EDARADD: variants seen among roughly 807,000 people sequenced by gnomAD.
EDARADD encodes the protein ectodysplasin-A receptor-associated adapter protein.
In EDARADD, 20 loss-of-function variants were observed where a neutral mutation model predicts 25.6. That is an observed-to-expected ratio of 0.78 (90% CI 0.55 to 1.14). The LOEUF (loss-of-function observed/expected upper bound fraction) is 1.14. Among genes scored for constraint, EDARADD ranks in the 50% most tolerant of loss-of-function variants. EDARADD has a pLI of 0.00. For missense variants in EDARADD, 225 were observed against 270.1 expected (o/e 0.83, Z 1.17); for synonymous variants, 86 against 94.4 (o/e 0.91, Z 0.52).
At chr1:236,428,808 G>C (rs866536399) in intron 4 of EDARADD, among the ~76,000 whole-genome samples, 182 of 151,884 alleles carry the variant, frequency 1.2e-3, no homozygotes, top group African/African-American at 4.3e-3. Context: ...AGGTTGTAGC[G>C]AGCGGAGATC....
chr1:236,430,494 G>C (rs1420760865), intron 4 of EDARADD, among the ~76,000 whole-genome samples: 1 of 152,098 alleles, frequency 6.6e-6, no homozygotes, highest in Non-Finnish European at 1.5e-5. Context: ...TAATTTCAGT[G>C]TTATAATTTT....
Position 236,483,748 on chromosome 1 carries a change from T to G in EDARADD, c.*1099T>G, listed in dbSNP as rs1210030532. 10 of 1,504,808 alleles carry G rather than the reference T, an allele frequency of 6.6e-6. No individual in the cohort carries two copies. The highest frequency in any genetic ancestry group is 9.2e-6 in the Non-Finnish European group (10 of 1,082,398). The allele number at this position is 1,504,808 out of a possible 1,614,324, so 93.2% of individuals were successfully genotyped here. ...GAGGTTTACCACAGCCTGAAGAATG[T>G]CATCAAGGAGAAATATGGGAAAGAT... On this transcript the variant is annotated 3_prime_UTR_variant, in exon 6 of 6. Coordinates refer to ENST00000334232, the MANE Select transcript of EDARADD (RefSeq NM_145861.4).
At chr1:236,480,478 T>A (rs1305041869) in intron 5 of EDARADD, among the ~76,000 whole-genome samples, 1 of 152,142 alleles carries the variant, frequency 6.6e-6, no homozygotes, top group Non-Finnish European at 1.5e-5. Context: ...GGCTCTTGTT[T>A]TATTACCTTT....
At chr1:236,431,737 A>C (rs1253474149) in intron 4 of EDARADD, among the ~76,000 whole-genome samples, 2 of 106,176 alleles carry the variant, frequency 1.9e-5, no homozygotes, top group East Asian at 2.2e-4. Flanking sequence ...CTGGCTAACA[A>C]GGTGAAACCC....
At chr1:236,358,203 C>CT (rs1667004435) in intron 3 of EDARADD, among the ~76,000 whole-genome samples, 1 of 152,116 alleles carries the variant, frequency 6.6e-6, no homozygotes, top group South Asian at 2.1e-4. Context: ...GACCAGTCTG[C>CT]TTTTTGTTCT....
chr1:236,435,224 G>A (rs558496995), intron 4 of EDARADD, among the ~76,000 whole-genome samples: 14 of 152,322 alleles, frequency 9.2e-5, no homozygotes, highest in African/African-American at 3.4e-4. Context: ...GAGGTCAGAG[G>A]AAGAAAGGAG....
At chr1:236,403,219 G>T (rs574510915) in intron 1 of EDARADD, among the ~76,000 whole-genome samples, 2 of 152,340 alleles carry the variant, frequency 1.3e-5, no homozygotes, top group East Asian at 3.9e-4. Flanking sequence ...GCCTCCCAAA[G>T]TGCTGGGATT....
At chr1:236,467,738 A>G (rs1275341758) in intron 4 of EDARADD, among the ~76,000 whole-genome samples, 1 of 152,154 alleles carries the variant, frequency 6.6e-6, no homozygotes, top group Admixed American at 6.5e-5. Flanking sequence ...AAATAAAAAT[A>G]GCACATTGTT....
chr1:236,436,291 G>A (rs528890475), intron 4 of EDARADD, among the ~76,000 whole-genome samples: 48 of 151,954 alleles, frequency 3.2e-4, no homozygotes, highest in African/African-American at 1.1e-3. Context: ...CGAGTAGCTC[G>A]AACTACAGGC....
At chr1:236,385,237 T>C (rs59985095) in intron 3 of EDARADD, among the ~76,000 whole-genome samples, 243 of 149,598 alleles carry the variant, frequency 1.6e-3, no homozygotes, top group African/African-American at 5.8e-3. Context: ...TGAAACCCCG[T>C]CTGTACCAAG....
chr1:236,451,060 C>T (rs1298398112), intron 4 of EDARADD, among the ~76,000 whole-genome samples: 3 of 152,162 alleles, frequency 2.0e-5, no homozygotes, highest in Non-Finnish European at 4.4e-5. Context: ...TGAATTTTTG[C>T]GCCTATCCCC....
intron 3 of EDARADD, among the ~76,000 whole-genome samples, chr1:236,355,708 C>T (rs1190018785): frequency 6.6e-6 from 1 of 151,930 alleles, no homozygotes; most frequent in Non-Finnish European, 1.5e-5. Context: ...CAAGGTTTCA[C>T]CATGTTGGCC....
intron 2 of EDARADD, among the ~76,000 whole-genome samples, chr1:236,410,277 T>C (rs911846015): frequency 2.0e-5 from 3 of 151,248 alleles, no homozygotes; most frequent in Non-Finnish European, 4.4e-5. Flanking sequence ...CCCTAGTGTC[T>C]GTTATTTCCA....
At chr1:236,436,102 A>C (rs1658241325) in intron 4 of EDARADD, among the ~76,000 whole-genome samples, 1 of 151,854 alleles carries the variant, frequency 6.6e-6, no homozygotes, top group Non-Finnish European at 1.5e-5. Flanking sequence ...CCAGGAGTTC[A>C]AGACCAGCCT....
upstream of EDARADD, among the ~76,000 whole-genome samples, chr1:236,389,848 A>C (rs533982839): frequency 2.5e-4 from 38 of 152,218 alleles, no homozygotes; most frequent in African/African-American, 8.2e-4. Flanking sequence ...ACAAAAAATA[A>C]AAATAAAAAA....
At chr1:236,472,653 T>A (rs907000956) in intron 5 of EDARADD, among the ~76,000 whole-genome samples, 2 of 152,182 alleles carry the variant, frequency 1.3e-5, no homozygotes, top group African/African-American at 2.4e-5. Context: ...AAAAGGCTGT[T>A]GGTTATTAAT....
chr1:236,468,111 G>T, intron 4 of EDARADD, 120 bp from the exon 5 acceptor site: 1 of 918,988 alleles, frequency 1.1e-6, no homozygotes, highest in Non-Finnish European at 1.8e-6. Flanking sequence ...TCAAGATCCA[G>T]TCCCTCCACC....
intron 4 of EDARADD, among the ~76,000 whole-genome samples, chr1:236,447,946 C>T (rs897774623): frequency 8.5e-5 from 13 of 152,098 alleles, no homozygotes; most frequent in Admixed American, 8.5e-4. Flanking sequence ...AGTGATTCTC[C>T]TGCCTCAGCC....
chr1:236,460,787 C>T (rs1489859063), intron 4 of EDARADD, among the ~76,000 whole-genome samples: 1 of 151,886 alleles, frequency 6.6e-6, no homozygotes, highest in African/African-American at 2.4e-5. Flanking sequence ...GATTGACTAT[C>T]ACTGACTGTG....
Sources: allele counts gnomAD v4.1 joint callset (sites outside exome capture counted in the v4.1 genomes callset), GRCh38; gene constraint gnomAD v4.1.1; transcripts MANE v1.5; gene names NCBI Gene and HGNC (gene_info 2026-07-23, HGNC 2026-07-21).